DNAJC13: variants seen among roughly 807,000 people sequenced by gnomAD.
DNAJC13 encodes dnaJ homolog subfamily C member 13.
Under a neutral mutation model 290.5 loss-of-function variants are expected in DNAJC13, and 75 were observed. The observed-to-expected ratio is 0.26, with a 90% CI of 0.21 to 0.31. The LOEUF (loss-of-function observed/expected upper bound fraction) is 0.31. Among genes scored for constraint, DNAJC13 ranks in the 10% least tolerant of loss-of-function variants. The pLI is 1.00. For missense variants in DNAJC13, 2,260 were observed against 2,674.5 expected, an observed-to-expected ratio of 0.85 and a Z score of 3.42; for synonymous variants, 862 against 892.0, an observed-to-expected ratio of 0.97 and a Z score of 0.60.
chr3:132,464,972 G>T (rs1009231546), intron 17 of DNAJC13, among the ~76,000 whole-genome samples: 1 of 152,060 alleles, frequency 6.6e-6, no homozygotes, highest in Non-Finnish European at 1.5e-5. Flanking sequence ...TATTTGCATT[G>T]CTTTATCTTT....
At chr3:132,420,916 GA>G (rs920746567) in intron 1 of DNAJC13, among the ~76,000 whole-genome samples, 1 of 151,946 alleles carries the variant, frequency 6.6e-6, no homozygotes, top group East Asian at 1.9e-4. Flanking sequence ...TGAGGCCCAT[GA>G]AAAAAACTCC....
At chr3:132,501,419 C>T (rs984192702) in intron 39 of DNAJC13, among the ~76,000 whole-genome samples, 6 of 152,030 alleles carry the variant, frequency 3.9e-5, no homozygotes, top group African/African-American at 1.4e-4. Context: ...GGCTGAAGAA[C>T]AAGCAACTCC....
chr3:132,427,133 ATT>A (rs35154589), intron 1 of DNAJC13, among the ~76,000 whole-genome samples: 66 of 122,174 alleles, frequency 5.4e-4, no homozygotes, highest in Admixed American at 2.9e-3. Context: ...ATATATATAT[ATT>A]TTTTTTTTTT....
chr3:132,450,358 T>A (rs138108036), intron 5 of DNAJC13, among the ~76,000 whole-genome samples: 2 of 152,262 alleles, frequency 1.3e-5, no homozygotes, highest in East Asian at 1.9e-4. Context: ...TTCCTCTTTT[T>A]TCTTTTTATA....
chr3:132,471,704 C>A (rs1350186300), intron 20 of DNAJC13, among the ~76,000 whole-genome samples: 1 of 118,214 alleles, frequency 8.5e-6, no homozygotes, highest in Non-Finnish European at 1.8e-5. Flanking sequence ...TGGGAAGAGG[C>A]GCTCCTCACT....
At chr3:132,448,439 T>C (rs975908936) in intron 5 of DNAJC13, among the ~76,000 whole-genome samples, 1 of 152,160 alleles carries the variant, frequency 6.6e-6, no homozygotes, top group African/African-American at 2.4e-5. Context: ...TGTGGTGGCA[T>C]ATCAGAGTCG....
At chr3:132,516,640 A>G (rs1288232992) in intron 47 of DNAJC13, 64 bp from the exon 48 acceptor site, 10 of 1,539,038 alleles carry the variant, frequency 6.5e-6, no homozygotes, top group African/African-American at 2.8e-5. Context: ...AATATGGTTG[A>G]AAATGAATTC....
intron 51 of DNAJC13, 123 bp downstream of exon 51, chr3:132,523,836 G>A: frequency 1.1e-6 from 1 of 951,748 alleles, no homozygotes; most frequent in South Asian, 2.0e-5. Flanking sequence ...CAATATAGCA[G>A]CCACATTTAA....
chr3:132,504,786 A>G lies in DNAJC13; in HGVS notation c.4885-516A>G, dbSNP rs145969603. Among the ~76,000 whole-genome samples, 5 of 152,326 alleles carry G rather than the reference A, an allele frequency of 3.3e-5. No individual in the cohort carries two copies. In the East Asian group the frequency reaches 9.6e-4, roughly 29 times the overall value. On this transcript the variant is annotated intron_variant, in intron 41 of 55. Transcript: ENST00000260818. Reference sequence around the variant, plus strand: ...CCAGATGCCTAAGCAGTCATAATCTATGCCTGCAGAAGGACTACACAGCCT... The same window carrying G: ...CCAGATGCCTAAGCAGTCATAATCTGTGCCTGCAGAAGGACTACACAGCCT...
intron 2 of DNAJC13, among the ~76,000 whole-genome samples, chr3:132,435,993 T>A (rs536136019): frequency 6.6e-6 from 1 of 152,334 alleles, no homozygotes; most frequent in East Asian, 1.9e-4. Context: ...TGTGTGCTCT[T>A]AGCGTAATTC....
intron 36 of DNAJC13, 43 bp downstream of exon 36, chr3:132,496,706 C>A: frequency 1.9e-6 from 3 of 1,557,442 alleles, no homozygotes; most frequent in Non-Finnish European, 2.6e-6. Flanking sequence ...CTCCAGCTAA[C>A]CTTATCACAG....
At chr3:132,499,707 G>A in intron 37 of DNAJC13, 27 bp from the exon 38 acceptor site, 2 of 1,610,328 alleles carry the variant, frequency 1.2e-6, no homozygotes, top group Non-Finnish European at 1.7e-6. Flanking sequence ...AAAATGGAGA[G>A]TTAATAGCTG....
intron 6 of DNAJC13, among the ~76,000 whole-genome samples, chr3:132,451,413 C>T (rs6776891): frequency 0.5 from 76,176 of 152,044 alleles, 20,280 homozygotes; most frequent in East Asian, 0.84. Context: ...AAACTTCAAT[C>T]TGGAATTCAT....
chr3:132,475,732 G>C (rs1934451584), intron 22 of DNAJC13, among the ~76,000 whole-genome samples: 1 of 151,878 alleles, frequency 6.6e-6, no homozygotes, highest in Admixed American at 6.6e-5. Context: ...TCTTTACTTT[G>C]TTTTGGGAGT....
At position 132,456,528 on chromosome 3, in the gene DNAJC13, G is replaced by A; in HGVS notation, c.1127G>A (p.Arg376Lys). 2.5e-6 allele frequency: 4 copies of A among 1,613,908 alleles called. No homozygotes were observed. The highest frequency in any genetic ancestry group is 2.2e-5 in the East Asian group (1 of 44,862). ...GGCAACTTTGCAGATGCTGTATTCA[G>A]GTTCAATGCTAATATTTCATACAGT... ...PNGNFADAVF[R>K]FNANISYSGV... Residue 376 changes from arginine (R) to lysine (K), a missense_variant, in exon 11 of 56, where the codon AGG becomes AAG. Physicochemically the swap from Arg to Lys is conservative, Grantham distance 26 (BLOSUM62 2). Around this residue, in one of 3 missense-constraint regions of DNAJC13, gnomAD observed 762 missense variants for 964.1 expected, o/e 0.79. Coordinates refer to ENST00000260818, the MANE Select transcript of DNAJC13 (RefSeq NM_015268.4).
intron 29 of DNAJC13, among the ~76,000 whole-genome samples, chr3:132,487,557 TAA>T (rs1934918439): frequency 7.5e-6 from 1 of 133,974 alleles, no homozygotes; most frequent in African/African-American, 3.0e-5. Flanking sequence ...TGCCTGGCTG[TAA>T]TTTTTTTTTT....
chr3:132,523,915 C>T, intron 51 of DNAJC13: 1 of 520,298 alleles, frequency 1.9e-6, no homozygotes. Flanking sequence ...TGTTTATGAA[C>T]CAAAGTTATA....
At chr3:132,514,824 A>G in intron 46 of DNAJC13, 154 bp downstream of exon 46, 3 of 624,238 alleles carry the variant, frequency 4.8e-6, no homozygotes, top group Non-Finnish European at 5.5e-6. Flanking sequence ...AATGTTTTAC[A>G]TACGTTACTG....
chr3:132,522,336 G>GA (rs1278862027), intron 48 of DNAJC13, among the ~76,000 whole-genome samples: 2 of 151,968 alleles, frequency 1.3e-5, no homozygotes, highest in African/African-American at 4.8e-5. Context: ...ATCCTTTCTG[G>GA]AAAAAGACAC....
Sources: allele counts gnomAD v4.1 joint callset (sites outside exome capture counted in the v4.1 genomes callset), GRCh38; gene constraint gnomAD v4.1.1; regional missense constraint gnomAD v4.1.1; transcripts MANE v1.5; gene names NCBI Gene and HGNC (gene_info 2026-07-23, HGNC 2026-07-21).